Variants in PRSS57 observed in about 807,000 individuals in gnomAD.
The protein encoded by PRSS57 is serine protease 57.
A neutral mutation model predicts 20.6 loss-of-function variants in PRSS57; 19 were observed. That is an observed-to-expected ratio of 0.92 (90% confidence interval 0.64 to 1.35). The LOEUF (loss-of-function observed/expected upper bound fraction) is 1.35, where lower values mean the gene tolerates loss of function less well. Ranked by LOEUF, PRSS57 falls within the 40% of genes most tolerant of loss-of-function variation. PRSS57 has a pLI of 0.00. For missense variants in PRSS57, 440 were observed against 403.7 expected (o/e 1.09, Z -0.77); for synonymous variants, 203 against 176.6 (o/e 1.15, Z -1.19).
Position 695,382 on chromosome 19 carries a change from T to A in PRSS57, c.49A>T (p.Thr17Ser). Residue 17 changes from threonine to serine, a missense_variant, in exon 1 of 5, where the codon ACC becomes TCC. By Grantham distance (58) the Thr-to-Ser change is moderately conservative (BLOSUM62 1). Transcript: ENST00000329267. ...GGCTTCACGGGCAGCATCAGGGCGG[T>A]GGCCACAGTCAGCAGAGGACGTCCC... is the stretch of plus-strand genomic sequence containing the variant. ...GWGRPLLTVA[T>S]ALMLPVKPPG... 2 of 1,282,054 alleles carry A rather than the reference T, an allele frequency of 1.6e-6. No individual in the cohort carries two copies. Among genetic ancestry groups the A allele is most frequent in the Non-Finnish European group, 2.0e-6 (2 of 1,009,520 alleles). 79.4% of individuals were successfully genotyped at this position (1,282,054 alleles called of 1,614,324 possible).
Position 694,887 on chromosome 19 carries a change from C to T in PRSS57, c.160G>A (p.Gly54Ser), listed in dbSNP as rs768919964. Residue 54 changes from glycine to serine, a missense_variant, in exon 2 of 5, where the codon GGC becomes AGC. Gly to Ser is a moderately conservative substitution (Grantham distance 56). Coordinates refer to ENST00000329267, the MANE Select transcript of PRSS57 (RefSeq NM_001308209.2). ...AGGAAGCCTCCGCAGTGATGTTGGCCCCCGAAGCGCACGGATGCCATGTAG... is the reference window on the plus strand; with the variant it reads ...AGGAAGCCTCCGCAGTGATGTTGGCTCCCGAAGCGCACGGATGCCATGTAG... The part of the protein sequence containing the change: ...RPYMASVRFG[G>S]QHHCGGFLLR... 17 of 1,604,428 alleles carry T rather than the reference C, an allele frequency of 1.1e-5. No homozygotes were observed. The highest frequency in any genetic ancestry group is 2.3e-5 in the East Asian group (1 of 44,326).
chr19:690,450 G>A (rs978276163), intron 3 of PRSS57: 39 of 170,870 alleles, frequency 2.3e-4, no homozygotes, highest in Non-Finnish European at 2.5e-5. Flanking sequence ...GGCTGGGGCC[G>A]CGGAGCTCAC....
Position 685,845 on chromosome 19 carries a change from G to T in PRSS57, c.720C>A (p.Asp240Glu). 1 of 1,561,566 alleles carries T rather than the reference G, an allele frequency of 6.4e-7. No individual in the cohort carries two copies. Among genetic ancestry groups the T allele is most frequent in the Non-Finnish European group, 8.7e-7 (1 of 1,153,242 alleles). ...LVSFSGLWCG[D>E]PKTPDVYTQV... ...GCGTGTACACGTCGGGGGTCTTGGG[G>T]TCGCCGCACCAGAGGCCCGAGAAGG... Residue 240 changes from aspartate to glutamate, a missense_variant, in exon 5 of 5, where the codon GAC (aspartate) becomes GAA (glutamate). Transcript: ENST00000329267.
chr19:691,952 G>T lies in PRSS57; in HGVS notation c.284C>A (p.Ala95Glu). ...VVLGAHVLST[A>E]EPTQQVFGID... ...GCCAAACACCTGCTGGGTGGGCTCC[G>T]CAGTACTCAGGACGTGGGCGCCCAG... Residue 95 changes from alanine to glutamate, a missense_variant, in exon 3 of 5, where the codon GCG becomes GAG. Physicochemically the swap from Ala to Glu is moderately radical, Grantham distance 107 (BLOSUM62 -1). Transcript: ENST00000329267. The T allele has an allele frequency of 7.5e-7, 1 of 1,331,982 alleles. No individual in the cohort carries two copies. Among genetic ancestry groups the T allele is most frequent in the African/African-American group, 1.5e-5 (1 of 66,614 alleles). The allele number at this position is 1,331,982 out of a possible 1,614,324, so 82.5% of individuals were successfully genotyped here.
chr19:686,863 C>T, intron 4 of PRSS57, 62 bp downstream of exon 4: 4 of 1,558,546 alleles, frequency 2.6e-6, no homozygotes, highest in African/African-American at 1.4e-5. Flanking sequence ...CTGGCCCTGA[C>T]CCTCTCTGTG....
chr19:689,420 G>A (rs1568208032), intron 3 of PRSS57, among the ~76,000 whole-genome samples: 1 of 152,146 alleles, frequency 6.6e-6, no homozygotes, highest in Non-Finnish European at 1.5e-5. Context: ...GGTGCACTGG[G>A]TACAGCTGGT....
intron 4 of PRSS57, 25 bp from the exon 5 acceptor site, chr19:685,947 C>G (rs1256209915): frequency 6.6e-7 from 1 of 1,516,456 alleles, no homozygotes; most frequent in Non-Finnish European, 8.9e-7. Context: ...GAGGTGAGGT[C>G]AGGGCCTCTG....
At chr19:689,102 G>A (rs957187685) in intron 3 of PRSS57, among the ~76,000 whole-genome samples, 18 of 151,362 alleles carry the variant, frequency 1.2e-4, no homozygotes, top group African/African-American at 3.9e-4. Flanking sequence ...AGCAGGTGAC[G>A]ACGGGGCCGG....
intron 2 of PRSS57, among the ~76,000 whole-genome samples, chr19:694,194 C>G (rs989545313): frequency 3.9e-5 from 6 of 152,052 alleles, no homozygotes; most frequent in African/African-American, 1.4e-4. Context: ...CAACCTATCC[C>G]GTGCCTGGTG....
In PRSS57 at chr19:685,728, T is replaced by C. The variant is rs916587904; in HGVS notation, c.837A>G (p.Gly279=). The C allele has an allele frequency of 6.5e-7, 1 of 1,545,902 alleles. No individual in the cohort carries two copies. The highest frequency in any genetic ancestry group is 8.8e-7 in the Non-Finnish European group (1 of 1,139,870). The change falls in exon 5 of 5, where the codon GGA becomes GGG. Residue 279 remains glycine, a synonymous_variant. Coordinates refer to ENST00000329267, the MANE Select transcript of PRSS57 (RefSeq NM_001308209.2). ...GCAAGGTTGTGGCTCAGGCGGCTTC[T>C]CCTGGGGGCCTGGTGGTCCCAGGCA... ...GPLPGTTRPP[G]EAA
intron 2 of PRSS57, among the ~76,000 whole-genome samples, chr19:694,511 T>C (rs1187924132): frequency 2.0e-5 from 3 of 148,720 alleles, no homozygotes; most frequent in Non-Finnish European, 4.4e-5. Flanking sequence ...GAGGTTGCAG[T>C]GAGCCGAGAT....
At chr19:687,579 G>T (rs1361188496) in intron 3 of PRSS57, among the ~76,000 whole-genome samples, 1 of 151,902 alleles carries the variant, frequency 6.6e-6, no homozygotes, top group East Asian at 1.9e-4. Flanking sequence ...GCTAATTTTG[G>T]TATTTTAGTA....
At chr19:685,985 G>C (rs62131270) in intron 4 of PRSS57, 63 bp from the exon 5 acceptor site, 571,758 of 1,369,354 alleles carry the variant, frequency 0.42, 122,420 homozygotes, top group Non-Finnish European at 0.44. Flanking sequence ...ATCTCACCAC[G>C]GCCCTCCCTG....
rs148114033 is a variant in PRSS57 at position 687,015 on chromosome 19, C to T, written c.552G>A (p.Pro184=). ...CCTTCCAGGAGCTGTTGCAGACGTC[C>T]GGGTCCAGCACTCGGACCTTGGCCT... ...LMEAKVRVLD[P]DVCNSSWKGH... The change falls in exon 4 of 5, where the codon CCG becomes CCA. Residue 184 remains proline (P), a synonymous_variant. Coordinates refer to ENST00000329267, the MANE Select transcript of PRSS57 (RefSeq NM_001308209.2). 174 of 1,614,090 alleles carry T rather than the reference C, an allele frequency of 1.1e-4. 2 individuals carry two copies. In the African/African-American group the frequency reaches 2.0e-3, roughly 19 times the overall value.
At chr19:688,602 C>CTT (rs11451021) in intron 3 of PRSS57, among the ~76,000 whole-genome samples, 2 of 110,192 alleles carry the variant, frequency 1.8e-5, no homozygotes, top group Non-Finnish European at 1.8e-5. Flanking sequence ...CACCCAGGGA[C>CTT]TTTTTTTTTT....
intron 1 of PRSS57, 71 bp from the exon 2 acceptor site, chr19:695,038 G>C: frequency 7.2e-7 from 1 of 1,390,398 alleles, no homozygotes; most frequent in Non-Finnish European, 9.5e-7. Context: ...TCAGGGCAGG[G>C]GGAGAAGTAG....
In PRSS57 at chr19:685,804, A is replaced by C; in HGVS notation, c.761T>G (p.Val254Gly). 1 of 1,565,546 alleles carries C rather than the reference A, an allele frequency of 6.4e-7. No individual in the cohort carries two copies. Among genetic ancestry groups the C allele is most frequent in the Non-Finnish European group, 8.7e-7 (1 of 1,154,452 alleles). The change falls in exon 5 of 5, where the codon GTG (valine) becomes GGG (glycine). Residue 254 changes from valine (V) to glycine (G), a missense_variant. Val to Gly is a moderately radical substitution (Grantham distance 109, BLOSUM62 -3). Coordinates refer to ENST00000329267, the MANE Select transcript of PRSS57 (RefSeq NM_001308209.2). ...CCGAACCACGTCCCAGATCCAGGCC[A>C]CAAAGGCGGACACCTGCGTGTACAC... ...PDVYTQVSAFVAWIWDVVRRS... is the reference protein window; with the variant it reads ...PDVYTQVSAFGAWIWDVVRRS...
rs755421329 is a variant in PRSS57, at chr19:691,648, C to T, written c.378+210G>A. Among the ~76,000 whole-genome samples, 26 of 151,588 alleles carry T rather than the reference C, an allele frequency of 1.7e-4. 1 individual carries two copies. Among genetic ancestry groups the T allele is most frequent in the South Asian group, 4.2e-4 (2 of 4,794 alleles). ...CAGCCTGGCCAACATGGTGAAACCC[C>T]GTCTCTACTAAAATACAAAAATTAG... On this transcript the variant is annotated intron_variant, in intron 3 of 4. Coordinates refer to ENST00000329267, the MANE Select transcript of PRSS57 (RefSeq NM_001308209.2).
Position 686,973 on chromosome 19 carries a change from G to A in PRSS57, c.594C>T (p.Thr198=), listed in dbSNP as rs2031492740. The A allele has an allele frequency of 3.1e-6, 5 of 1,613,984 alleles. No homozygotes were observed. Among genetic ancestry groups the A allele is most frequent in the Middle Eastern group, 1.6e-4 (1 of 6,084 alleles). Residue 198 remains threonine (T), a synonymous_variant, in exon 4 of 5, where the codon ACC becomes ACT. Coordinates refer to ENST00000329267, the MANE Select transcript of PRSS57 (RefSeq NM_001308209.2). ...TGTCCCCACTGCGGGTGCAGAGCAT[G>A]GTAAGTGTCAGGTGGCCCTTCCAGG... The part of the protein sequence containing the change: ...NSSWKGHLTL[T]MLCTRSGDSH...
Sources: gnomAD v4.1 joint callset for allele counts (sites outside exome capture counted in the v4.1 genomes callset) on GRCh38, gnomAD v4.1.1 for gene constraint, MANE v1.5 for transcripts, NCBI Gene and HGNC (gene_info 2026-07-23, HGNC 2026-07-21) for gene names.